C3orf33: variants seen among roughly 807,000 people sequenced by gnomAD.
C3orf33 encodes the protein AP-1 activity suppressor.
A neutral mutation model predicts 28.7 loss-of-function variants in C3orf33; 23 were observed. That is an observed-to-expected ratio of 0.80 (90% confidence interval 0.58 to 1.13). The LOEUF (loss-of-function observed/expected upper bound fraction) is 1.13. Among genes scored for constraint, C3orf33 ranks in the 50% most tolerant of loss-of-function variants. C3orf33 has a pLI of 0.00. For missense variants in C3orf33, 327 were observed against 353.4 expected (o/e 0.93, Z 0.60); for synonymous variants, 119 against 120.5 (o/e 0.99, Z 0.08).
chr3:155,785,963 C>T (rs1260593259), intron 2 of C3orf33, among the ~76,000 whole-genome samples: 1 of 151,078 alleles, frequency 6.6e-6, no homozygotes, highest in Non-Finnish European at 1.5e-5. Flanking sequence ...TCACCTGAGA[C>T]AGAGAAGTCA....
rs755266235 is a variant in C3orf33, at chr3:155,767,479, T to C, written c.483+30A>G. 5 of 1,432,226 alleles carry C rather than the reference T, an allele frequency of 3.5e-6. No homozygotes were observed. The South Asian group carries it at 6.0e-5, about 17-fold the overall frequency. The allele number at this position is 1,432,226 out of a possible 1,614,324, so 88.7% of individuals were successfully genotyped here. A position where few individuals can be genotyped will look rare whatever the true frequency, so the allele number is the denominator to read the frequency against. On this transcript the variant is annotated intron_variant, in intron 4 of 4. Coordinates refer to ENST00000340171, the MANE Select transcript of C3orf33 (RefSeq NM_001308229.2). ...CATATAAGTAATAAGAAGAATAAGA[T>C]ATTGCTAGTTATTTCTTCACATTGC... is the stretch of plus-strand genomic sequence containing the variant.
chr3:155,804,616 C>A (rs1751759990), intron 1 of C3orf33, among the ~76,000 whole-genome samples: 2 of 152,154 alleles, frequency 1.3e-5, no homozygotes, highest in South Asian at 4.1e-4. Context: ...TTCTAGAACA[C>A]CTGGCTGTCT....
intron 3 of C3orf33, among the ~76,000 whole-genome samples, chr3:155,775,366 G>A (rs1750707404): frequency 6.6e-6 from 1 of 151,988 alleles, no homozygotes; most frequent in Admixed American, 6.6e-5. Context: ...GTGCATGACT[G>A]TAATCCTAGC....
chr3:155,764,772 C>T (rs1429738236), intron 4 of C3orf33, among the ~76,000 whole-genome samples: 1 of 151,976 alleles, frequency 6.6e-6, no homozygotes, highest in Non-Finnish European at 1.5e-5. Context: ...AGGAGAATTG[C>T]TTGAACCCAG....
At chr3:155,782,581 GT>G (rs1488669432) in intron 2 of C3orf33, among the ~76,000 whole-genome samples, 2 of 152,182 alleles carry the variant, frequency 1.3e-5, no homozygotes, top group African/African-American at 4.8e-5. Context: ...AGGCTATAAG[GT>G]AGTGGACTGA....
chr3:155,776,819 G>C (rs560878423), intron 2 of C3orf33, among the ~76,000 whole-genome samples: 1 of 145,264 alleles, frequency 6.9e-6, no homozygotes, highest in South Asian at 2.1e-4. Context: ...ATGACAGTAA[G>C]GTTGAACTGA....
intron 2 of C3orf33, among the ~76,000 whole-genome samples, chr3:155,802,143 A>G (rs1366183646): frequency 6.6e-6 from 1 of 152,256 alleles, no homozygotes; most frequent in Non-Finnish European, 1.5e-5. Context: ...GCTAACTGGA[A>G]GCATAAATTA....
intron 2 of C3orf33, among the ~76,000 whole-genome samples, chr3:155,796,910 G>GCC (rs1206677047): frequency 1.3e-5 from 2 of 152,138 alleles, no homozygotes; most frequent in African/African-American, 4.8e-5. Flanking sequence ...TGAAGGACAG[G>GCC]CCTGGCATGG....
intron 3 of C3orf33, among the ~76,000 whole-genome samples, chr3:155,771,230 C>T (rs1210274627): frequency 6.6e-6 from 1 of 152,078 alleles, no homozygotes; most frequent in Non-Finnish European, 1.5e-5. Flanking sequence ...ATCAGCCTCG[C>T]AAGTAACCAG....
At chr3:155,791,575 C>T (rs113741151) in intron 2 of C3orf33, among the ~76,000 whole-genome samples, 2,928 of 152,184 alleles carry the variant, frequency 0.019, 81 homozygotes, top group African/African-American at 0.067. Flanking sequence ...CTGGATCTGC[C>T]CTGGGCCAGT....
Position 155,763,307 on chromosome 3 carries a change from C to T in C3orf33, c.*210G>A. ...GGTAACTTCTCATAAAGTGTTTCAT[C>T]CTTCCTAAAATCATATTACATTAAT... On this transcript the variant is annotated 3_prime_UTR_variant, in exon 5 of 5. Transcript: ENST00000340171. The T allele has an allele frequency of 2.6e-6, 1 of 377,752 alleles. No individual in the cohort carries two copies. The allele number at this position is 377,752 out of a possible 1,614,324, so 23.4% of individuals were successfully genotyped here. A position where few individuals can be genotyped will look rare whatever the true frequency, so the allele number is the denominator to read the frequency against.
chr3:155,763,255 G>C lies in C3orf33; in HGVS notation c.*262C>G, dbSNP rs1750290149. The C allele has an allele frequency of 3.7e-6, 1 of 268,456 alleles. No homozygotes were observed. The allele number at this position is 268,456 out of a possible 1,614,324, so 16.6% of individuals were successfully genotyped here. On this transcript the variant is annotated 3_prime_UTR_variant, in exon 5 of 5. Transcript: ENST00000340171. ...AGTTAAACTTTCTCTTCACACATTA[G>C]CACTATATATGTAAATCATTCAGCC...
chr3:155,792,593 G>A (rs1252093477), intron 2 of C3orf33, among the ~76,000 whole-genome samples: 1 of 152,072 alleles, frequency 6.6e-6, no homozygotes, highest in Non-Finnish European at 1.5e-5. Context: ...AGACAACACA[G>A]TGAAAGAACT....
chr3:155,787,632 G>A (rs1372455607), intron 2 of C3orf33, among the ~76,000 whole-genome samples: 4 of 151,618 alleles, frequency 2.6e-5, no homozygotes, highest in African/African-American at 7.2e-5. Context: ...GATTACAGGC[G>A]TGAGCCACTG....
chr3:155,781,695 G>GGAGCCA (rs1411872166), intron 2 of C3orf33, among the ~76,000 whole-genome samples: 1 of 148,600 alleles, frequency 6.7e-6, no homozygotes, highest in East Asian at 2.0e-4. Flanking sequence ...TTTGAACCCA[G>GGAGCCA]GAGCCAGAGT....
chr3:155,769,551 A>G (rs957506982), intron 3 of C3orf33, among the ~76,000 whole-genome samples: 1 of 152,198 alleles, frequency 6.6e-6, no homozygotes, highest in Admixed American at 6.5e-5. Flanking sequence ...TTTTACAAAA[A>G]CTTTGTTACA....
At position 155,781,146 on chromosome 3, in the gene C3orf33, C is replaced by T. The variant is rs376596165; in HGVS notation, c.175-5298G>A. Among the ~76,000 whole-genome samples, 10 of 151,732 alleles carry T rather than the reference C, an allele frequency of 6.6e-5. No individual in the cohort carries two copies. In the East Asian group the frequency reaches 7.8e-4, roughly 12 times the overall value. On this transcript the variant is annotated intron_variant, in intron 2 of 4. Transcript: ENST00000340171. ...CCGAGTAGCTGGGACTACAGGCGTC[C>T]GCCACCGCGCCCGGCTAATTTTTTT...
chr3:155,790,254 A>C (rs954694143), intron 2 of C3orf33, among the ~76,000 whole-genome samples: 7 of 149,872 alleles, frequency 4.7e-5, no homozygotes, highest in Non-Finnish European at 8.9e-5. Flanking sequence ...TCAGGCCCTT[A>C]TCTAACACTA....
At chr3:155,786,509 A>C (rs1226848229) in intron 2 of C3orf33, among the ~76,000 whole-genome samples, 2 of 152,198 alleles carry the variant, frequency 1.3e-5, no homozygotes, top group African/African-American at 2.4e-5. Flanking sequence ...TGGATAACAT[A>C]GATGAAATGG....
Sources: gnomAD v4.1 joint callset for allele counts (sites outside exome capture counted in the v4.1 genomes callset) on GRCh38, gnomAD v4.1.1 for gene constraint, MANE v1.5 for transcripts, NCBI Gene and HGNC (gene_info 2026-07-23, HGNC 2026-07-21) for gene names.